WDR44: variants seen among roughly 807,000 people sequenced by gnomAD.
The protein encoded by WDR44 is WD repeat-containing protein 44.
A neutral mutation model predicts 65.7 loss-of-function variants in WDR44; 9 were observed. That is an observed-to-expected ratio of 0.14 (90% CI 0.08 to 0.24). The LOEUF (loss-of-function observed/expected upper bound fraction) is 0.24, where lower values mean the gene tolerates loss of function less well. Among genes scored for constraint, WDR44 ranks in the 10% least tolerant of loss-of-function variants. WDR44 has a pLI of 1.00. For missense variants in WDR44, 425 were observed against 670.9 expected, an observed-to-expected ratio of 0.63 and a Z score of 4.05; for synonymous variants, 220 against 235.2, an observed-to-expected ratio of 0.94 and a Z score of 0.59.
chrX:118,421,852 A>AT (rs1315523699), intron 12 of WDR44, among the ~76,000 whole-genome samples: 1 of 111,437 alleles, frequency 9.0e-6, no homozygotes, highest in Non-Finnish European at 1.9e-5. Context: ...TAAAGTAGGG[A>AT]TTTTTTTAAT....
chrX:118,378,709 CGT>C lies in WDR44; in HGVS notation c.111+282_111+283del, dbSNP rs61698360. ...GTTTATAATATCTAGAATAAAAGAA[CGT>C]GTGTGTGTGTGTGTGTGTGTGTGTT... is the stretch of plus-strand genomic sequence containing the variant. On this transcript the variant is annotated intron_variant, in intron 2 of 19. Coordinates refer to ENST00000254029, the MANE Select transcript of WDR44 (RefSeq NM_019045.5). Among the ~76,000 whole-genome samples, 316 of 94,230 alleles carry C rather than the reference CGT, an allele frequency of 3.4e-3. 1 individual carries two copies. The highest frequency in any genetic ancestry group is 9.8e-3 in the East Asian group (28 of 2,845). The allele number at this position is 94,230 out of a possible 115,157, so 81.8% of individuals were successfully genotyped here. A position where few individuals can be genotyped will look rare whatever the true frequency, so the allele number is the denominator to read the frequency against.
At chrX:118,434,313 C>T (rs1185369372) in intron 13 of WDR44, among the ~76,000 whole-genome samples, 1 of 110,910 alleles carries the variant, frequency 9.0e-6, no homozygotes, top group Non-Finnish European at 1.9e-5. Flanking sequence ...CTTGACGATA[C>T]AAATATAGAA....
intron 1 of WDR44, among the ~76,000 whole-genome samples, chrX:118,355,203 C>T (rs956902573): frequency 1.6e-4 from 18 of 111,894 alleles, no homozygotes; most frequent in African/African-American, 5.5e-4. Context: ...GCCCCAACTC[C>T]ACCCCTTTCA....
chrX:118,379,108 A>C (rs1465285235), intron 2 of WDR44, among the ~76,000 whole-genome samples: 1 of 110,388 alleles, frequency 9.1e-6, no homozygotes, highest in Non-Finnish European at 1.9e-5. Flanking sequence ...ACACATGTAT[A>C]CTTCTTGTGG....
At chrX:118,435,843 A>C (rs1448678796) in intron 13 of WDR44, among the ~76,000 whole-genome samples, 2 of 112,592 alleles carry the variant, frequency 1.8e-5, no homozygotes, top group Non-Finnish European at 3.7e-5. Flanking sequence ...ACCACAATGT[A>C]CCTACTTCAT....
Position 118,382,686 on chromosome X carries a change from T to A in WDR44, c.111+4234T>A. 2.7e-5 allele frequency among the ~76,000 whole-genome samples: 3 copies of A among 111,772 alleles called. No homozygotes were observed. In the South Asian group the frequency reaches 1.1e-3, roughly 42 times the overall value. ...ACTTATTAAAATTAAAAAGCTGAAA[T>A]CTTATAACCAAATACTGCAGGGGGG... On this transcript the variant is annotated intron_variant, in intron 2 of 19. Transcript: ENST00000254029.
At chrX:118,358,310 CTT>C (rs1260874463) in intron 1 of WDR44, among the ~76,000 whole-genome samples, 1 of 112,124 alleles carries the variant, frequency 8.9e-6, no homozygotes, top group African/African-American at 3.2e-5. Context: ...AGCCATATGT[CTT>C]TCTTTTTTTA....
intron 12 of WDR44, among the ~76,000 whole-genome samples, chrX:118,431,213 G>T (rs1180041881): frequency 1.8e-5 from 2 of 111,938 alleles, no homozygotes; most frequent in Non-Finnish European, 3.8e-5. Flanking sequence ...GATGGTGGTG[G>T]TTTTTTCCTT....
chrX:118,377,938 G>T (rs1303316076), intron 1 of WDR44, among the ~76,000 whole-genome samples: 1 of 109,301 alleles, frequency 9.1e-6, no homozygotes, highest in Non-Finnish European at 1.9e-5. Flanking sequence ...CCGTTGACCA[G>T]ACTGGTCTTC....
chrX:118,347,948 C>T (rs1342084322), intron 1 of WDR44, among the ~76,000 whole-genome samples: 1 of 111,292 alleles, frequency 9.0e-6, no homozygotes, highest in African/African-American at 3.3e-5. Context: ...ATGTATTGGA[C>T]TTCCGTGAAA....
intron 3 of WDR44, among the ~76,000 whole-genome samples, chrX:118,387,696 G>T (rs928227400): frequency 9.0e-6 from 1 of 111,320 alleles, no homozygotes; most frequent in Non-Finnish European, 1.9e-5. Context: ...TCTTCTTGAG[G>T]TTACTACCAG....
chrX:118,383,720 CTTT>C (rs531607075), intron 2 of WDR44, among the ~76,000 whole-genome samples: 1 of 84,466 alleles, frequency 1.2e-5, no homozygotes, highest in Non-Finnish European at 2.3e-5. Flanking sequence ...TCCAAGTATT[CTTT>C]TTTTTTTTTT....
intron 2 of WDR44, among the ~76,000 whole-genome samples, chrX:118,384,007 GT>G (rs1459510889): frequency 9.5e-6 from 1 of 105,487 alleles, no homozygotes; most frequent in Non-Finnish European, 1.9e-5. Flanking sequence ...AACCTCCAAA[GT>G]AGCTGGGACT....
At chrX:118,444,215 T>C in intron 18 of WDR44, 145 bp from the exon 19 acceptor site, 2 of 619,297 alleles carry the variant, frequency 3.2e-6, no homozygotes, top group Non-Finnish European at 4.7e-6. Flanking sequence ...TTATATGTGA[T>C]TTTTTTTAGA....
At chrX:118,445,570 C>T (rs1346245491) in intron 19 of WDR44, among the ~76,000 whole-genome samples, 1 of 112,266 alleles carries the variant, frequency 8.9e-6, no homozygotes, top group African/African-American at 3.2e-5. Flanking sequence ...CTACTTGCCA[C>T]AAGTTAACAG....
chrX:118,396,140 A>G lies in WDR44; in HGVS notation c.1053+796A>G, dbSNP rs781253390. Among the ~76,000 whole-genome samples the G allele has an allele frequency of 1.1e-3, 128 of 112,057 alleles. 1 individual carries two copies. The highest frequency in any genetic ancestry group is 3.4e-3 in the Admixed American group (36 of 10,476). ...TTCTTATCATTAAAACTTAGTATGC[A>G]CCTATTAGCCAACTTATTCAGAATT... On this transcript the variant is annotated intron_variant, in intron 6 of 19. Transcript: ENST00000254029.
At chrX:118,430,568 G>T (rs1365053133) in intron 12 of WDR44, among the ~76,000 whole-genome samples, 5 of 106,973 alleles carry the variant, frequency 4.7e-5, no homozygotes, top group African/African-American at 6.8e-5. Context: ...GTCTGGTCAT[G>T]GTGGCTCACA....
At chrX:118,422,696 A>G (rs1453940063) in intron 12 of WDR44, among the ~76,000 whole-genome samples, 1 of 111,294 alleles carries the variant, frequency 9.0e-6, no homozygotes, top group Non-Finnish European at 1.9e-5. Context: ...CGTCTCAAAA[A>G]AAAAAAAAGA....
chrX:118,427,738 G>A (rs1312963275), intron 12 of WDR44, among the ~76,000 whole-genome samples: 2 of 101,170 alleles, frequency 2.0e-5, no homozygotes, highest in Non-Finnish European at 4.0e-5. Flanking sequence ...GCAGTGGCAC[G>A]ATCTCGGCTC....
Sources: gnomAD v4.1 joint callset for allele counts (sites outside exome capture counted in the v4.1 genomes callset) on GRCh38, gnomAD v4.1.1 for gene constraint, MANE v1.5 for transcripts, NCBI Gene and HGNC (gene_info 2026-07-23, HGNC 2026-07-21) for gene names.